Variants in NPNT observed in about 807,000 individuals in gnomAD.
NPNT encodes the protein preosteoblast EGF-like repeat protein with MAM domain.
NPNT carries 45 observed loss-of-function variants against 68.6 expected under a neutral mutation model. The observed-to-expected ratio is 0.66, with a 90% CI of 0.52 to 0.84. The LOEUF is 0.84. Ranked by LOEUF, NPNT falls within the 40% of genes least tolerant of loss-of-function variation. The pLI, the probability that NPNT is intolerant of heterozygous loss-of-function variation, is 0.00. For synonymous variants in NPNT, 233 were observed against 253.3 expected (o/e 0.92, Z 0.76); for missense variants, 672 against 714.8 (o/e 0.94, Z 0.68).
Position 105,961,241 on chromosome 4 carries a change from C to A in NPNT, c.1345+2115C>A, listed in dbSNP as rs554734511. ...AGCATTATTGTGTTTTTGACTGTACCACAGGCTGGCCTCAGTAGGTGTGCA... is the reference window on the plus strand; with the variant it reads ...AGCATTATTGTGTTTTTGACTGTACAACAGGCTGGCCTCAGTAGGTGTGCA... On this transcript the variant is annotated intron_variant, in intron 10 of 11. Coordinates refer to ENST00000379987, the MANE Select transcript of NPNT (RefSeq NM_001033047.3). Among the ~76,000 whole-genome samples the A allele has an allele frequency of 3.7e-3, 556 of 152,242 alleles. 4 individuals carry two copies. The highest frequency in any genetic ancestry group is 0.013 in the African/African-American group (537 of 41,542).
intron 2 of NPNT, among the ~76,000 whole-genome samples, chr4:105,905,312 A>C (rs1726799327): frequency 1.3e-5 from 2 of 152,162 alleles, no homozygotes; most frequent in Admixed American, 1.3e-4. Context: ...AAAAGTAAGA[A>C]ATGCATGATT....
chr4:105,937,298 G>A (rs904460593), intron 4 of NPNT, among the ~76,000 whole-genome samples, 170 bp downstream of exon 4: 2 of 151,950 alleles, frequency 1.3e-5, no homozygotes, highest in African/African-American at 4.8e-5. Flanking sequence ...CACCATTTTC[G>A]ATGTATAATA....
intron 2 of NPNT, among the ~76,000 whole-genome samples, chr4:105,905,844 AT>A (rs1726846222): frequency 6.6e-6 from 1 of 152,192 alleles, no homozygotes; most frequent in African/African-American, 2.4e-5. Context: ...AAATTTTCTT[AT>A]GTTTAATCTG....
chr4:105,958,923 G>T (rs1325746030), intron 9 of NPNT, 105 bp from the exon 10 acceptor site: 1 of 731,856 alleles, frequency 1.4e-6, no homozygotes, highest in African/African-American at 1.7e-5. Flanking sequence ...TGGTTATATG[G>T]ATAGGAGAGA....
intron 2 of NPNT, among the ~76,000 whole-genome samples, chr4:105,903,095 C>T (rs1028217983): frequency 3.3e-5 from 5 of 152,030 alleles, no homozygotes; most frequent in East Asian, 1.9e-4. Context: ...AAGTTGCCCA[C>T]GCATGTACAC....
intron 3 of NPNT, among the ~76,000 whole-genome samples, chr4:105,935,915 C>T (rs866436011): frequency 2.6e-5 from 4 of 152,132 alleles, no homozygotes; most frequent in African/African-American, 9.7e-5. Context: ...AATTTTGTCA[C>T]TAGACATATT....
intron 10 of NPNT, among the ~76,000 whole-genome samples, chr4:105,965,578 C>T (rs931391270): frequency 8.5e-5 from 13 of 152,082 alleles, no homozygotes; most frequent in Admixed American, 2.0e-4. Context: ...CTTGTTTTCT[C>T]GAAACTTGCA....
chr4:105,903,597 C>T (rs368047536), intron 2 of NPNT, among the ~76,000 whole-genome samples: 77 of 152,216 alleles, frequency 5.1e-4, no homozygotes, highest in African/African-American at 1.8e-3. Flanking sequence ...CTCAGAGCAA[C>T]AAGCATGATT....
intron 9 of NPNT, chr4:105,958,759 AC>A: frequency 1.9e-6 from 1 of 532,056 alleles, no homozygotes; most frequent in South Asian, 3.4e-5. Context: ...TTAAAGTAGT[AC>A]TTAAACTGTA....
intron 8 of NPNT, among the ~76,000 whole-genome samples, chr4:105,954,340 A>G (rs1731054987): frequency 6.6e-6 from 1 of 152,218 alleles, no homozygotes; most frequent in Admixed American, 6.5e-5. Flanking sequence ...TTTGGTGGGT[A>G]AAACATGGAC....
At chr4:105,905,090 A>G (rs1273749087) in intron 2 of NPNT, among the ~76,000 whole-genome samples, 1 of 150,742 alleles carries the variant, frequency 6.6e-6, no homozygotes, top group East Asian at 1.9e-4. Flanking sequence ...TTTTTTCTAG[A>G]CTTATAACCT....
intron 8 of NPNT, among the ~76,000 whole-genome samples, chr4:105,957,398 C>CTGAT (rs144422223): frequency 0.09 from 13,651 of 152,084 alleles, 761 homozygotes; most frequent in African/African-American, 0.16. Context: ...CAAATATACA[C>CTGAT]TGATTGAATA....
At chr4:105,934,292 C>T (rs925579068) in intron 3 of NPNT, among the ~76,000 whole-genome samples, 33 of 152,082 alleles carry the variant, frequency 2.2e-4, no homozygotes, top group African/African-American at 7.2e-4. Context: ...CTTAATATGG[C>T]ACTAGGTCAA....
chr4:105,958,632 G>C, intron 9 of NPNT, 75 bp downstream of exon 9: 1 of 844,310 alleles, frequency 1.2e-6, no homozygotes, highest in Non-Finnish European at 1.8e-6. Context: ...TTTAAATGTA[G>C]ATCGTTTGGA....
At chr4:105,906,611 A>G (rs1726919061) in intron 2 of NPNT, among the ~76,000 whole-genome samples, 1 of 152,230 alleles carries the variant, frequency 6.6e-6, no homozygotes, top group African/African-American at 2.4e-5. Context: ...ATCACTAACA[A>G]TGTTCTGAAG....
chr4:105,966,151 T>C (rs1483280531), intron 10 of NPNT, among the ~76,000 whole-genome samples: 2 of 152,234 alleles, frequency 1.3e-5, no homozygotes, highest in Admixed American at 6.5e-5. Context: ...ATACACATGT[T>C]CAACATTCCA....
chr4:105,900,821 C>CA (rs762692578), intron 2 of NPNT, among the ~76,000 whole-genome samples: 2 of 147,000 alleles, frequency 1.4e-5, no homozygotes, highest in Non-Finnish European at 3.0e-5. Context: ...TTTTGTAGGT[C>CA]ATACCCTTGG....
At chr4:105,921,324 GA>G (rs1728246141) in intron 2 of NPNT, among the ~76,000 whole-genome samples, 1 of 152,050 alleles carries the variant, frequency 6.6e-6, no homozygotes, top group Admixed American at 6.6e-5. Context: ...ATGGAACTGG[GA>G]TAAGACATTT....
At chr4:105,912,676 A>C in intron 2 of NPNT, 1 of 496,554 alleles carries the variant, frequency 2.0e-6, no homozygotes, top group Non-Finnish European at 2.6e-6. Flanking sequence ...TATTGTATGA[A>C]ATATGTTATC....
Sources: gnomAD v4.1 joint callset for allele counts (sites outside exome capture counted in the v4.1 genomes callset) on GRCh38, gnomAD v4.1.1 for gene constraint, MANE v1.5 for transcripts, NCBI Gene and HGNC (gene_info 2026-07-23, HGNC 2026-07-21) for gene names.